FSTL5: variants seen among roughly 807,000 people sequenced by gnomAD.
FSTL5 encodes the protein follistatin like 5.
Under a neutral mutation model 89.1 loss-of-function variants are expected in FSTL5, and 62 were observed. That is an observed-to-expected ratio of 0.70 (90% CI 0.57 to 0.86). FSTL5 has a LOEUF of 0.86. Among genes scored for constraint, FSTL5 ranks in the 40% least tolerant of loss-of-function variants. The pLI is 0.00. For synonymous variants in FSTL5, 383 were observed against 346.2 expected, an observed-to-expected ratio of 1.11 and a Z score of -1.18; for missense variants, 1,057 against 1,001.6, an observed-to-expected ratio of 1.06 and a Z score of -0.75.
Position 161,779,591 on chromosome 4 carries a change from A to G in FSTL5, c.410-3517T>C, listed in dbSNP as rs545768475. Among the ~76,000 whole-genome samples the G allele has an allele frequency of 3.3e-3, 497 of 151,568 alleles. 5 individuals are homozygous for G. Among genetic ancestry groups the G allele is most frequent in the African/African-American group, 0.011 (461 of 41,420 alleles). On this transcript the variant is annotated intron_variant, in intron 4 of 15. Transcript: ENST00000306100. Reference sequence around the variant, plus strand: ...GAAATAACTTGTTCAAGGTTATAGAACTAGGAAGGGCAGAATTATTTTTAC... The same window carrying G: ...GAAATAACTTGTTCAAGGTTATAGAGCTAGGAAGGGCAGAATTATTTTTAC...
chr4:162,043,779 T>G (rs1399281316), intron 2 of FSTL5, among the ~76,000 whole-genome samples: 1 of 152,218 alleles, frequency 6.6e-6, no homozygotes. Flanking sequence ...TCAACAACGT[T>G]GACAGCATCT....
intron 7 of FSTL5, among the ~76,000 whole-genome samples, chr4:161,614,953 T>C (rs1734791514): frequency 6.6e-6 from 1 of 152,098 alleles, no homozygotes; most frequent in African/African-American, 2.4e-5. Flanking sequence ...TGACAGAAAC[T>C]GTAATCAATC....
chr4:162,149,668 TA>T (rs962912277), intron 1 of FSTL5, among the ~76,000 whole-genome samples: 27 of 151,750 alleles, frequency 1.8e-4, no homozygotes, highest in Non-Finnish European at 3.2e-4. Flanking sequence ...AAATAAAAAA[TA>T]AAAAAAGTCC....
At chr4:162,116,090 A>C (rs1250395404) in intron 1 of FSTL5, among the ~76,000 whole-genome samples, 1 of 152,172 alleles carries the variant, frequency 6.6e-6, no homozygotes, top group Non-Finnish European at 1.5e-5. Flanking sequence ...CCTGCCTCTC[A>C]CTCTGTTGTG....
At chr4:161,973,904 G>C (rs1019561662) in intron 3 of FSTL5, among the ~76,000 whole-genome samples, 9 of 152,092 alleles carry the variant, frequency 5.9e-5, no homozygotes, top group Non-Finnish European at 1.2e-4. Context: ...AGGAACTTCA[G>C]CAAAGTCTCA....
chr4:161,574,277 C>T (rs895674352), intron 8 of FSTL5, among the ~76,000 whole-genome samples: 14 of 151,844 alleles, frequency 9.2e-5, no homozygotes, highest in African/African-American at 3.1e-4. Flanking sequence ...TTCACCTGAC[C>T]ACACCCAGGC....
At chr4:161,390,631 C>T (rs1200768868) in intron 15 of FSTL5, among the ~76,000 whole-genome samples, 1 of 152,038 alleles carries the variant, frequency 6.6e-6, no homozygotes, top group African/African-American at 2.4e-5. Context: ...TCAAATTAGT[C>T]ACCTGAGATG....
intron 3 of FSTL5, among the ~76,000 whole-genome samples, chr4:161,980,271 AAGAAAGAAAGAAAGAAAG>A (rs1465033595): frequency 4.5e-5 from 4 of 88,574 alleles, no homozygotes; most frequent in Non-Finnish European, 8.9e-5. Context: ...AAAAGAAAGA[AAGAAAGAAAGAAAGAAAG>A]AGAAAGAAAG....
At chr4:161,701,409 A>G (rs1242648936) in intron 6 of FSTL5, among the ~76,000 whole-genome samples, 2 of 152,164 alleles carry the variant, frequency 1.3e-5, no homozygotes, top group Non-Finnish European at 2.9e-5. Context: ...CTTAGAAAAA[A>G]TAGTAGATAT....
At chr4:162,072,095 T>C (rs779757837) in intron 2 of FSTL5, among the ~76,000 whole-genome samples, 3 of 151,836 alleles carry the variant, frequency 2.0e-5, no homozygotes, top group Non-Finnish European at 4.4e-5. Context: ...GGGATACTAA[T>C]AGATAATATG....
chr4:161,628,149 A>G (rs1735376364), intron 7 of FSTL5, among the ~76,000 whole-genome samples: 1 of 152,160 alleles, frequency 6.6e-6, no homozygotes, highest in Non-Finnish European at 1.5e-5. Flanking sequence ...TATTTGTATG[A>G]TAATTAAAGG....
At chr4:162,037,425 C>T (rs7675661) in intron 2 of FSTL5, among the ~76,000 whole-genome samples, 14,138 of 151,866 alleles carry the variant, frequency 0.093, 780 homozygotes, top group Non-Finnish European at 0.12. Context: ...ATTTTAAGTG[C>T]ATGGCTTTTT....
intron 2 of FSTL5, among the ~76,000 whole-genome samples, chr4:162,081,950 T>C (rs997997222): frequency 4.6e-5 from 7 of 151,646 alleles, no homozygotes; most frequent in Admixed American, 1.3e-4. Context: ...ACCAATGGAT[T>C]CTTCAAAAAT....
chr4:161,627,878 G>A (rs1347906279), intron 7 of FSTL5, among the ~76,000 whole-genome samples: 3 of 151,760 alleles, frequency 2.0e-5, no homozygotes, highest in Non-Finnish European at 4.4e-5. Context: ...ATACTGTCAC[G>A]GTCATACAGA....
rs1290828449 is a variant in FSTL5, at chr4:161,386,425, A to G, written c.1866T>C (p.Asp622=). ...GATCAATTTTTTGTAGTGCAGCTTC[A>G]TCTTTATGAAGAATAAATCCAAACC... ...HMRFGFILHK[D]EAALQKIDLE... Residue 622 remains aspartate, a synonymous_variant, in exon 16 of 16, where the codon GAT becomes GAC. Coordinates refer to ENST00000306100, the MANE Select transcript of FSTL5 (RefSeq NM_020116.5). The G allele has an allele frequency of 6.2e-7, 1 of 1,610,912 alleles. No individual in the cohort carries two copies. Among genetic ancestry groups the G allele is most frequent in the Non-Finnish European group, 8.5e-7 (1 of 1,178,424 alleles).
In FSTL5 at chr4:161,920,556, T is replaced by C. The variant is rs749280435; in HGVS notation, c.257A>G (p.Glu86Gly). 2.5e-6 allele frequency: 4 copies of C among 1,614,000 alleles called. No individual in the cohort carries two copies. Among genetic ancestry groups the C allele is most frequent in the Non-Finnish European group, 2.5e-6 (3 of 1,179,982 alleles). The change falls in exon 4 of 16, where the codon GAA becomes GGA. Residue 86 changes from glutamate to glycine, a missense_variant. This residue lies in a region of FSTL5 where 980 missense variants were observed against 903.2 expected (regional missense o/e 1.08). Coordinates refer to ENST00000306100, the MANE Select transcript of FSTL5 (RefSeq NM_020116.5). ...TTTGCAAAGGTCCATACAGGCACAT[T>C]CTGCTTGCCCTGTCTCTCTGCTGGT... Reference protein sequence around the residue: ...CVTSRETGQAECACMDLCKRH... With the variant: ...CVTSRETGQAGCACMDLCKRH...
At chr4:162,110,746 A>C (rs1731403837) in intron 2 of FSTL5, among the ~76,000 whole-genome samples, 1 of 151,618 alleles carries the variant, frequency 6.6e-6, no homozygotes, top group Non-Finnish European at 1.5e-5. Flanking sequence ...ATACTTCAAA[A>C]CATTTAACAT....
rs777063539 is a variant in FSTL5, at chr4:161,538,167, G to A, written c.1311C>T (p.Thr437=). 1 of 1,613,754 alleles carries A rather than the reference G, an allele frequency of 6.2e-7. No individual in the cohort carries two copies. The highest frequency in any genetic ancestry group is 8.5e-7 in the Non-Finnish European group (1 of 1,179,844). Residue 437 remains threonine (T), a splice_region_variant and synonymous_variant, in exon 10 of 16, where the codon ACC becomes ACT. Coordinates refer to ENST00000306100, the MANE Select transcript of FSTL5 (RefSeq NM_020116.5). ...SLFVEDSARK[T]LANILWREEG... ...GCTGTTGGGTGGTTCTATACATACG[G>A]GTCTTTCTAGCAGAGTCTTCCACAA...
At chr4:161,976,108 A>G (rs1445170998) in intron 3 of FSTL5, among the ~76,000 whole-genome samples, 2 of 119,262 alleles carry the variant, frequency 1.7e-5, no homozygotes, top group Non-Finnish European at 3.3e-5. Flanking sequence ...ACAGAGCGAG[A>G]CTCCGCCTCA....
Sources: gnomAD v4.1 joint callset for allele counts (sites outside exome capture counted in the v4.1 genomes callset) on GRCh38, gnomAD v4.1.1 for gene constraint, gnomAD v4.1.1 regional missense constraint, MANE v1.5 for transcripts, NCBI Gene and HGNC (gene_info 2026-07-23, HGNC 2026-07-21) for gene names.